Variants in XRCC4 observed in about 807,000 individuals in gnomAD.
XRCC4 encodes DNA repair protein XRCC4.
Under a neutral mutation model 39.1 loss-of-function variants are expected in XRCC4, and 28 were observed. That is an observed-to-expected ratio of 0.72 (90% CI 0.53 to 0.98). The LOEUF is 0.98. XRCC4 is among the 50% of genes least tolerant of loss of function. XRCC4 has a pLI of 0.00. For missense variants in XRCC4, 350 were observed against 376.4 expected, an observed-to-expected ratio of 0.93 and a Z score of 0.58; for synonymous variants, 123 against 126.4, an observed-to-expected ratio of 0.97 and a Z score of 0.18.
At chr5:83,098,929 A>C (rs1457008035) in intron 1 of XRCC4, among the ~76,000 whole-genome samples, 1 of 152,180 alleles carries the variant, frequency 6.6e-6, no homozygotes, top group African/African-American at 2.4e-5. Context: ...GTGTAGTTTC[A>C]TAAACCTTTC....
intron 3 of XRCC4, among the ~76,000 whole-genome samples, chr5:83,140,993 G>T (rs878906511): frequency 6.6e-6 from 1 of 152,078 alleles, no homozygotes; most frequent in African/African-American, 2.4e-5. Context: ...TATGTGTCCC[G>T]TATTTCTTTT....
intron 7 of XRCC4, among the ~76,000 whole-genome samples, chr5:83,331,481 C>T (rs1436159344): frequency 1.3e-5 from 2 of 152,068 alleles, no homozygotes; most frequent in African/African-American, 4.8e-5. Context: ...TGAAAAACAA[C>T]TTGGCACCAT....
intron 3 of XRCC4, among the ~76,000 whole-genome samples, chr5:83,144,210 T>C (rs1748322041): frequency 6.6e-6 from 1 of 151,906 alleles, no homozygotes; most frequent in African/African-American, 2.4e-5. Flanking sequence ...TCCAGCTCCA[T>C]CCAAGTTCCT....
intron 7 of XRCC4, among the ~76,000 whole-genome samples, chr5:83,345,270 T>C (rs2112214626): frequency 6.6e-6 from 1 of 152,294 alleles, no homozygotes; most frequent in Non-Finnish European, 1.5e-5. Flanking sequence ...ATTTCTGCCT[T>C]GAATAAACTT....
intron 6 of XRCC4, among the ~76,000 whole-genome samples, chr5:83,238,825 T>C (rs1204048426): frequency 6.6e-6 from 1 of 152,076 alleles, no homozygotes; most frequent in Non-Finnish European, 1.5e-5. Flanking sequence ...ATATAAAAGT[T>C]TTTAAGAAGA....
At chr5:83,332,426 C>A (rs1756468428) in intron 7 of XRCC4, among the ~76,000 whole-genome samples, 1 of 152,214 alleles carries the variant, frequency 6.6e-6, no homozygotes, top group East Asian at 1.9e-4. Flanking sequence ...AGATTGTAAG[C>A]TCAAAGAAGG....
chr5:83,320,809 T>C (rs1041705858), intron 7 of XRCC4, among the ~76,000 whole-genome samples: 106 of 108,606 alleles, frequency 9.8e-4, no homozygotes, highest in African/African-American at 6.2e-3. Flanking sequence ...ATGTACTTCT[T>C]TTTTTTTTTT....
intron 6 of XRCC4, among the ~76,000 whole-genome samples, chr5:83,209,915 G>A (rs986942494): frequency 3.0e-4 from 45 of 152,050 alleles, no homozygotes; most frequent in African/African-American, 1.1e-3. Flanking sequence ...CCAAGATTTA[G>A]CACATTAGTT....
At chr5:83,273,885 G>C (rs936350501) in intron 7 of XRCC4, among the ~76,000 whole-genome samples, 1 of 151,800 alleles carries the variant, frequency 6.6e-6, no homozygotes, top group Non-Finnish European at 1.5e-5. Context: ...GCTTAGTATT[G>C]TCTTGGCTAT....
intron 2 of XRCC4, among the ~76,000 whole-genome samples, chr5:83,106,252 G>A (rs1746192778): frequency 6.6e-6 from 1 of 152,078 alleles, no homozygotes. Context: ...GGTGAAGAGT[G>A]TATAAGGCTA....
intron 7 of XRCC4, among the ~76,000 whole-genome samples, chr5:83,285,698 T>C (rs1754709890): frequency 1.3e-5 from 2 of 152,146 alleles, no homozygotes; most frequent in Admixed American, 1.3e-4. Flanking sequence ...TTAATATCGG[T>C]CAAGGGGGGG....
intron 7 of XRCC4, among the ~76,000 whole-genome samples, chr5:83,293,329 T>TATCA (rs28360277): frequency 0.039 from 5,892 of 152,118 alleles, 336 homozygotes; most frequent in African/African-American, 0.13. Context: ...ATGCTTAACC[T>TATCA]ATCAGTGCTT....
At chr5:83,159,015 G>T (rs942388150) in intron 3 of XRCC4, among the ~76,000 whole-genome samples, 5 of 152,106 alleles carry the variant, frequency 3.3e-5, no homozygotes, top group Non-Finnish European at 7.4e-5. Flanking sequence ...ATTGAGAGAA[G>T]AAATGTGTTG....
chr5:83,291,311 T>A (rs775432052), intron 7 of XRCC4, among the ~76,000 whole-genome samples: 9 of 151,974 alleles, frequency 5.9e-5, no homozygotes, highest in Non-Finnish European at 1.0e-4. Context: ...CTACACTAGG[T>A]AATTAGTAAG....
chr5:83,367,925 G>A, the XRCC4 span, among the ~76,000 whole-genome samples: 1 of 151,958 alleles, frequency 6.6e-6, no homozygotes, highest in Admixed American at 6.6e-5. Flanking sequence ...GCCCTCAAGT[G>A]TACAACATAG....
chr5:83,098,097 A>G (rs1404083617), intron 1 of XRCC4, among the ~76,000 whole-genome samples: 2 of 152,096 alleles, frequency 1.3e-5, no homozygotes, highest in African/African-American at 4.8e-5. Context: ...GGTATTTGTA[A>G]AAGATAAGCA....
At chr5:83,093,378 A>G (rs548468375) in intron 1 of XRCC4, among the ~76,000 whole-genome samples, 4 of 152,332 alleles carry the variant, frequency 2.6e-5, no homozygotes, top group Admixed American at 2.6e-4. Flanking sequence ...ACTTCAATGC[A>G]CCACTTTCAA....
intron 4 of XRCC4, 34 bp from the exon 5 acceptor site, chr5:83,203,518 C>T (rs1284109346): frequency 6.5e-7 from 1 of 1,549,368 alleles, no homozygotes; most frequent in Non-Finnish European, 8.7e-7. Flanking sequence ...AGCAGAACTG[C>T]ATGACTAATT....
chr5:83,131,204 T>A (rs919742582), intron 3 of XRCC4, among the ~76,000 whole-genome samples: 4 of 152,224 alleles, frequency 2.6e-5, no homozygotes, highest in African/African-American at 9.6e-5. Flanking sequence ...AACATCTTTA[T>A]TTCTGCCTTC....
Sources: gnomAD v4.1 joint callset for allele counts (sites outside exome capture counted in the v4.1 genomes callset) on GRCh38, gnomAD v4.1.1 for gene constraint, MANE v1.5 for transcripts, NCBI Gene and HGNC (gene_info 2026-07-23, HGNC 2026-07-21) for gene names.